CPQ: variants seen among roughly 807,000 people sequenced by gnomAD.
CPQ encodes the protein Ser-Met dipeptidase.
A neutral mutation model predicts 45.7 loss-of-function variants in CPQ; 37 were observed. The ratio of observed to expected loss-of-function variants is 0.81; its 90% CI spans 0.62 to 1.07. The LOEUF (loss-of-function observed/expected upper bound fraction) is 1.07, where lower values mean the gene tolerates loss of function less well. CPQ is among the 50% of genes least tolerant of loss of function. The probability of loss-of-function intolerance (pLI) is 0.00; values close to 1 mark genes in which losing one functional copy is unlikely to be tolerated. For synonymous variants in CPQ, 186 were observed against 205.8 expected (o/e 0.90, Z 0.82); for missense variants, 537 against 572.9 (o/e 0.94, Z 0.64).
intron 5 of CPQ, among the ~76,000 whole-genome samples, chr8:96,997,278 G>C (rs1020197648): frequency 3.3e-5 from 5 of 151,870 alleles, no homozygotes; most frequent in Non-Finnish European, 7.4e-5. Flanking sequence ...TCGAAGTTTT[G>C]ATATACACAG....
Position 96,899,628 on chromosome 8 carries a change from A to T in CPQ, c.849+19623A>T, listed in dbSNP as rs1018246513. Among the ~76,000 whole-genome samples the T allele has an allele frequency of 2.0e-5, 3 of 152,034 alleles. No homozygotes were observed. The South Asian group carries it at 6.2e-4, about 32-fold the overall frequency. On this transcript the variant is annotated intron_variant, in intron 4 of 7. Coordinates refer to ENST00000220763, the MANE Select transcript of CPQ (RefSeq NM_016134.4). ...GAGAGAGTGGGAGGAGAGGTGCCAC[A>T]CACTTTTAAACAACCAGATCTCATG...
chr8:96,868,933 G>T (rs1346760363), intron 3 of CPQ, among the ~76,000 whole-genome samples: 2 of 151,460 alleles, frequency 1.3e-5, no homozygotes, highest in Non-Finnish European at 2.9e-5. Flanking sequence ...AAATTCTGTT[G>T]GAATAAATAA....
intron 4 of CPQ, among the ~76,000 whole-genome samples, chr8:96,941,744 T>C (rs914127620): frequency 6.6e-6 from 1 of 152,178 alleles, no homozygotes; most frequent in Admixed American, 6.6e-5. Context: ...GTCATGAATA[T>C]AACTGAGAAC....
chr8:96,721,230 A>T (rs1208403448), intron 1 of CPQ, among the ~76,000 whole-genome samples: 4 of 151,850 alleles, frequency 2.6e-5, no homozygotes, highest in Non-Finnish European at 5.9e-5. Context: ...CTGCCTTCTT[A>T]TCTCAGTAAG....
At chr8:96,987,979 A>G (rs934096151) in intron 5 of CPQ, among the ~76,000 whole-genome samples, 3 of 152,224 alleles carry the variant, frequency 2.0e-5, no homozygotes, top group African/African-American at 7.2e-5. Flanking sequence ...TTAAAGTGAT[A>G]TATCTTTCCA....
chr8:96,886,015 G>T (rs1020072408), intron 4 of CPQ, among the ~76,000 whole-genome samples: 2 of 151,962 alleles, frequency 1.3e-5, no homozygotes, highest in Admixed American at 1.3e-4. Context: ...TACTTTATTG[G>T]GTTTCACTTT....
chr8:97,036,265 G>A (rs1269666115), intron 6 of CPQ, among the ~76,000 whole-genome samples: 1 of 152,188 alleles, frequency 6.6e-6, no homozygotes, highest in African/African-American at 2.4e-5. Context: ...GGCATGAGGA[G>A]GAAGATTTCT....
intron 1 of CPQ, among the ~76,000 whole-genome samples, chr8:96,681,086 C>T (rs190383715): frequency 3.9e-5 from 6 of 152,244 alleles, no homozygotes; most frequent in Admixed American, 3.9e-4. Flanking sequence ...GGAAATTTTG[C>T]AGCCTGACAA....
rs138005152 is a variant in CPQ, at chr8:96,931,396, T to C, written c.850-34539T>C. Reference sequence around the variant, plus strand: ...ATAGTGGCCCCAGAAAAAATTGCCTTACTATTTCCACAACACCATTGCTTG... The same window carrying C: ...ATAGTGGCCCCAGAAAAAATTGCCTCACTATTTCCACAACACCATTGCTTG... On this transcript the variant is annotated intron_variant, in intron 4 of 7. Transcript: ENST00000220763. 4.8e-3 allele frequency among the ~76,000 whole-genome samples: 738 copies of C among 152,258 alleles called. 8 individuals carry two copies. Among genetic ancestry groups the C allele is most frequent in the African/African-American group, 0.017 (692 of 41,542 alleles).
At chr8:96,687,355 G>A (rs1424301586) in intron 1 of CPQ, among the ~76,000 whole-genome samples, 1 of 151,992 alleles carries the variant, frequency 6.6e-6, no homozygotes, top group Non-Finnish European at 1.5e-5. Context: ...TGGGATTACA[G>A]ACGCACACCA....
At chr8:96,884,269 A>T (rs1812270264) in intron 4 of CPQ, among the ~76,000 whole-genome samples, 1 of 151,596 alleles carries the variant, frequency 6.6e-6, no homozygotes, top group Non-Finnish European at 1.5e-5. Context: ...TCAGCATATT[A>T]AAAAAAAATT....
chr8:97,073,070 C>G (rs1810775850), intron 7 of CPQ, among the ~76,000 whole-genome samples: 1 of 152,144 alleles, frequency 6.6e-6, no homozygotes. Context: ...GAGCTGTCCT[C>G]TTTCATTGCA....
intron 7 of CPQ, among the ~76,000 whole-genome samples, chr8:97,096,566 A>C (rs1352754749): frequency 1.3e-5 from 2 of 152,232 alleles, no homozygotes; most frequent in Non-Finnish European, 2.9e-5. Context: ...AAACTCAGGA[A>C]AGTCATCTTG....
intron 7 of CPQ, among the ~76,000 whole-genome samples, chr8:97,112,034 A>G (rs1740791752): frequency 6.6e-6 from 1 of 151,840 alleles, no homozygotes. Flanking sequence ...CCACCCTCCC[A>G]TGCTTCCTTA....
intron 4 of CPQ, among the ~76,000 whole-genome samples, chr8:96,926,625 C>CTTCTTCTTCTTCTTCTTCTTCCT (rs59043894): frequency 3.9e-4 from 23 of 58,444 alleles, no homozygotes; most frequent in African/African-American, 1.3e-3. Context: ...TTCTTCTTCT[C>CTTCTTCTTCTTCTTCTTCTTCCT]CTCCTTCTCC....
At chr8:97,083,694 T>C (rs1010739308) in intron 7 of CPQ, among the ~76,000 whole-genome samples, 1 of 152,142 alleles carries the variant, frequency 6.6e-6, no homozygotes, top group African/African-American at 2.4e-5. Context: ...TGGAGGATTA[T>C]ATGAGTGAAT....
intron 6 of CPQ, among the ~76,000 whole-genome samples, chr8:97,062,094 C>T (rs1466649283): frequency 6.6e-6 from 1 of 152,120 alleles, no homozygotes; most frequent in Non-Finnish European, 1.5e-5. Context: ...CTGTGAAGTC[C>T]CCTGTCCCTA....
intron 4 of CPQ, among the ~76,000 whole-genome samples, chr8:96,912,335 T>A (rs1390106000): frequency 6.6e-6 from 1 of 152,206 alleles, no homozygotes; most frequent in Non-Finnish European, 1.5e-5. Flanking sequence ...AGCAAGGTGG[T>A]AAGAAAGCCA....
Position 97,143,007 on chromosome 8 carries a change from C to A in CPQ, c.1256-13C>A, listed in dbSNP as rs766464900. On this transcript the variant is annotated splice_polypyrimidine_tract_variant and intron_variant, in intron 7 of 7. Transcript: ENST00000220763. ...AAATACTCCACTAAGAATTCTTCCT[C>A]TTTTATCCCCAGGAGCCAGTCTACT... 5.0e-6 allele frequency: 8 copies of A among 1,613,014 alleles called. No homozygotes were observed. The South Asian group carries it at 6.6e-5, about 13-fold the overall frequency.
Sources: gnomAD v4.1 joint callset for allele counts (sites outside exome capture counted in the v4.1 genomes callset) on GRCh38, gnomAD v4.1.1 for gene constraint, MANE v1.5 for transcripts, NCBI Gene and HGNC (gene_info 2026-07-23, HGNC 2026-07-21) for gene names.